Variants in USH2A observed in about 807,000 individuals in gnomAD.
USH2A encodes usherin, also known as Usher syndrome 2A (autosomal recessive, mild).
A neutral mutation model predicts 538.9 loss-of-function variants in USH2A; 443 were observed. That is an observed-to-expected ratio of 0.82 (90% CI 0.76 to 0.89). The LOEUF (loss-of-function observed/expected upper bound fraction) is 0.89. Ranked by LOEUF, USH2A falls within the 40% of genes least tolerant of loss-of-function variation. The pLI is 0.00. For synonymous variants in USH2A, 2,413 were observed against 2,273.5 expected (o/e 1.06, Z -1.75); for missense variants, 6,633 against 6,324.8 (o/e 1.05, Z -1.65).
At chr1:216,128,295 T>C (rs1275211704) in intron 21 of USH2A, among the ~76,000 whole-genome samples, 1 of 152,132 alleles carries the variant, frequency 6.6e-6, no homozygotes, top group Non-Finnish European at 1.5e-5. Flanking sequence ...ACTTTCCTTA[T>C]TTTAAAGAGT....
intron 3 of USH2A, among the ~76,000 whole-genome samples, chr1:216,414,028 C>T (rs912846800): frequency 6.6e-6 from 1 of 152,168 alleles, no homozygotes. Flanking sequence ...TAACGAAATG[C>T]TAAAGTAAAT....
chr1:216,145,998 C>G (rs913659074), intron 21 of USH2A, among the ~76,000 whole-genome samples: 1 of 152,208 alleles, frequency 6.6e-6, no homozygotes, highest in African/African-American at 2.4e-5. Context: ...AAATAAACAG[C>G]TTTATTGCTC....
chr1:215,653,970 T>C lies in USH2A; in HGVS notation c.14134-3169A>G, dbSNP rs998302546. On this transcript the variant is annotated intron_variant, in intron 64 of 71. Transcript: ENST00000307340. ...CATATAAAAATCAATAAATAAAATA[T>C]CTTGTGAACAAACAGTTGTGTATTT... 1.3e-5 allele frequency among the ~76,000 whole-genome samples: 2 copies of C among 152,176 alleles called. No individual in the cohort carries two copies. The highest frequency in any genetic ancestry group is 6.5e-5 in the Admixed American group (1 of 15,278).
At position 216,232,083 on chromosome 1, in the gene USH2A, T is replaced by C. The variant is rs1414226972; in HGVS notation, c.2863A>G (p.Thr955Ala). The change falls in exon 14 of 72, where the codon ACA becomes GCA. Residue 955 changes from threonine to alanine, a missense_variant. Coordinates refer to ENST00000307340, the MANE Select transcript of USH2A (RefSeq NM_206933.4). ...CAGATGTGATTAACTGCACCAGTTG[T>C]ATGGCATGAGCATGGCAGGCAGCCA... is the stretch of plus-strand genomic sequence containing the variant. ...ATGCLPCSCH[T>A]TGAVNHICNS... 1 of 1,614,038 alleles carries C rather than the reference T, an allele frequency of 6.2e-7. No individual in the cohort carries two copies. The highest frequency in any genetic ancestry group is 8.5e-7 in the Non-Finnish European group (1 of 1,179,920).
chr1:215,663,870 T>G (rs1044894047), intron 64 of USH2A, among the ~76,000 whole-genome samples: 11 of 152,180 alleles, frequency 7.2e-5, no homozygotes, highest in African/African-American at 2.7e-4. Context: ...TATTCACATT[T>G]TAAAGACAAG....
intron 50 of USH2A, among the ~76,000 whole-genome samples, chr1:215,793,042 T>C (rs562755104): frequency 1.3e-5 from 2 of 152,298 alleles, no homozygotes; most frequent in East Asian, 3.9e-4. Flanking sequence ...ATGGTTTCCA[T>C]TGATTGGACA....
chr1:215,922,203 G>C (rs1666116960), intron 38 of USH2A, among the ~76,000 whole-genome samples: 1 of 152,182 alleles, frequency 6.6e-6, no homozygotes, highest in African/African-American at 2.4e-5. Flanking sequence ...TCTTATAGCA[G>C]ATGTTCTGTG....
rs562208514 is a variant in USH2A at position 216,273,888 on chromosome 1, T to G, written c.1971+15392A>C. Among the ~76,000 whole-genome samples the G allele has an allele frequency of 3.4e-4, 52 of 152,086 alleles. No individual in the cohort carries two copies. The Middle Eastern group carries it at 0.01, about 30-fold the overall frequency. On this transcript the variant is annotated intron_variant, in intron 11 of 71. Coordinates refer to ENST00000307340, the MANE Select transcript of USH2A (RefSeq NM_206933.4). ...TGACTCAATAAACCATACATACCAT[T>G]TTTAAATACCAAAAAATTTTGAATA...
chr1:216,412,865 A>T (rs1181539351), intron 3 of USH2A, among the ~76,000 whole-genome samples: 1 of 152,022 alleles, frequency 6.6e-6, no homozygotes, highest in Admixed American at 6.6e-5. Context: ...CTAATTTTTT[A>T]AAATCTCTGT....
intron 32 of USH2A, among the ~76,000 whole-genome samples, chr1:216,025,590 A>T (rs1477009171): frequency 2.0e-5 from 3 of 152,108 alleles, no homozygotes; most frequent in Non-Finnish European, 2.9e-5. Flanking sequence ...TTCAATTTTT[A>T]TGAAATGTTT....
chr1:215,878,660 A>T, intron 42 of USH2A, 104 bp downstream of exon 42: 1 of 1,189,274 alleles, frequency 8.4e-7, no homozygotes, highest in East Asian at 2.5e-5. Context: ...TTCAATGCCA[A>T]ATTAGTTCTA....
intron 55 of USH2A, among the ~76,000 whole-genome samples, chr1:215,767,851 A>C (rs566920289): frequency 9.9e-5 from 15 of 152,206 alleles, no homozygotes; most frequent in Non-Finnish European, 1.6e-4. Context: ...ATTGAGGCTT[A>C]CAAGACATCT....
intron 21 of USH2A, among the ~76,000 whole-genome samples, chr1:216,108,952 C>T (rs1452244613): frequency 1.3e-5 from 2 of 152,026 alleles, no homozygotes; most frequent in African/African-American, 4.8e-5. Context: ...GGATACATTT[C>T]TACTGACTTA....
At chr1:215,896,467 TTA>T (rs1335545866) in intron 40 of USH2A, among the ~76,000 whole-genome samples, 2 of 152,198 alleles carry the variant, frequency 1.3e-5, no homozygotes, top group African/African-American at 2.4e-5. Flanking sequence ...GAGAAACAGA[TTA>T]TCTAACTTTT....
At position 216,338,940 on chromosome 1, in the gene USH2A, C is replaced by T. The variant is rs1047479871; in HGVS notation, c.785-11286G>A. Among the ~76,000 whole-genome samples the T allele has an allele frequency of 2.6e-5, 4 of 151,674 alleles. No homozygotes were observed. In the South Asian group the frequency reaches 8.3e-4, roughly 31 times the overall value. On this transcript the variant is annotated intron_variant, in intron 4 of 71. Coordinates refer to ENST00000307340, the MANE Select transcript of USH2A (RefSeq NM_206933.4). The stretch of plus-strand genomic sequence containing the variant: ...GCCATAGGAAGGCAAATTGGTTCAA[C>T]CACTTTAGATAACAGTTTGGCGATA...
At chr1:216,373,331 C>T (rs2038751590) in intron 3 of USH2A, among the ~76,000 whole-genome samples, 1 of 152,154 alleles carries the variant, frequency 6.6e-6, no homozygotes, top group African/African-American at 2.4e-5. Context: ...TGGAAGTCTC[C>T]TCCACCAAAT....
rs201709470 is a variant in USH2A, at chr1:215,728,382, C to T, written c.11714G>A (p.Arg3905His). The change falls in exon 61 of 72, where the codon CGC becomes CAC. Residue 3905 changes from arginine (R) to histidine (H), a missense_variant and splice_region_variant. Arg to His is a conservative substitution (Grantham distance 29). Transcript: ENST00000307340. ...AGACTCCTCTTCAATGCCAGCAGGG[C>T]GTCTGAAAGGAAACCAAGCAGGCAA... ...GIIINYFIYR[R>H]PAGIEEESVL... is the part of the protein sequence containing the mutation. The T allele has an allele frequency of 3.5e-5, 56 of 1,613,914 alleles. No homozygotes were observed. The highest frequency in any genetic ancestry group is 1.7e-4 in the Middle Eastern group (1 of 6,050).
chr1:216,289,226 T>C, intron 11 of USH2A, 54 bp downstream of exon 11: 1 of 1,612,220 alleles, frequency 6.2e-7, no homozygotes, highest in African/African-American at 1.3e-5. Context: ...AACATCCAAA[T>C]AAGTTTCTGG....
intron 21 of USH2A, among the ~76,000 whole-genome samples, chr1:216,172,353 T>C (rs568728262): frequency 6.6e-6 from 1 of 152,206 alleles, no homozygotes; most frequent in Admixed American, 6.5e-5. Context: ...ATTATGTACA[T>C]CAACCTTATA....
Sources: allele counts gnomAD v4.1 joint callset (sites outside exome capture counted in the v4.1 genomes callset), GRCh38; gene constraint gnomAD v4.1.1; transcripts MANE v1.5; gene names NCBI Gene and HGNC (gene_info 2026-07-23, HGNC 2026-07-21).